Variants in SLC22A24 observed in about 807,000 individuals in gnomAD.
The protein encoded by SLC22A24 is solute carrier family 22 member 24.
A neutral mutation model predicts 49.8 loss-of-function variants in SLC22A24; 53 were observed. That is an observed-to-expected ratio of 1.06 (90% CI 0.85 to 1.34). SLC22A24 has a LOEUF of 1.34. Among genes scored for constraint, SLC22A24 ranks in the 40% most tolerant of loss-of-function variants. The pLI, the probability that SLC22A24 is intolerant of heterozygous loss-of-function variation, is 0.00. For missense variants in SLC22A24, 786 were observed against 675.9 expected (o/e 1.16, Z -1.81); for synonymous variants, 302 against 256.4 (o/e 1.18, Z -1.70).
chr11:63,099,344 T>TACCACCAC (rs1054349735), intron 5 of SLC22A24, among the ~76,000 whole-genome samples: 2 of 144,638 alleles, frequency 1.4e-5, no homozygotes, highest in African/African-American at 5.1e-5. Flanking sequence ...CCACAGTCTG[T>TACCACCAC]ACCACCACAC....
At chr11:63,137,366 G>A (rs913431032) in intron 1 of SLC22A24, among the ~76,000 whole-genome samples, 2 of 152,110 alleles carry the variant, frequency 1.3e-5, no homozygotes, top group Non-Finnish European at 2.9e-5. Flanking sequence ...TCTCACAAGG[G>A]GTTGTTGGTG....
At chr11:63,135,385 C>T (rs2087366268) in intron 1 of SLC22A24, among the ~76,000 whole-genome samples, 1 of 152,200 alleles carries the variant, frequency 6.6e-6, no homozygotes, top group Admixed American at 6.5e-5. Flanking sequence ...TTGAGAATCA[C>T]TCAAAACTGG....
intron 7 of SLC22A24, among the ~76,000 whole-genome samples, chr11:63,082,359 A>T (rs2086965149): frequency 6.6e-6 from 1 of 152,220 alleles, no homozygotes. Flanking sequence ...CTTTTTCATC[A>T]ATAAAAATAT....
At chr11:63,122,092 A>T (rs558528448) in intron 2 of SLC22A24, among the ~76,000 whole-genome samples, 10 of 152,328 alleles carry the variant, frequency 6.6e-5, no homozygotes, top group African/African-American at 2.4e-4. Context: ...TTCATTCATT[A>T]AAAGTACAGA....
At chr11:63,120,193 G>T (rs2087241434) in intron 2 of SLC22A24, among the ~76,000 whole-genome samples, 2 of 150,846 alleles carry the variant, frequency 1.3e-5, no homozygotes, top group East Asian at 2.0e-4. Context: ...TGAAGTCCTT[G>T]CCCATGCCTA....
intron 4 of SLC22A24, chr11:63,118,592 C>T (rs1276275464): frequency 9.5e-6 from 5 of 527,758 alleles, no homozygotes; most frequent in South Asian, 3.0e-5. Context: ...GACAAAAGCC[C>T]CCAAATTATC....
intron 2 of SLC22A24, among the ~76,000 whole-genome samples, chr11:63,127,011 G>C (rs1396490534): frequency 1.3e-5 from 2 of 151,966 alleles, no homozygotes; most frequent in African/African-American, 4.8e-5. Context: ...TAAGTTCTAG[G>C]GTACATGTGC....
chr11:63,088,371 A>ACGACAT (rs1555045482), intron 6 of SLC22A24, among the ~76,000 whole-genome samples: 2 of 151,016 alleles, frequency 1.3e-5, no homozygotes, highest in African/African-American at 2.4e-5. Flanking sequence ...ACAGAAAGCT[A>ACGACAT]CAACATCAAC....
intron 4 of SLC22A24, among the ~76,000 whole-genome samples, chr11:63,112,528 G>T (rs2087173644): frequency 6.6e-6 from 1 of 151,990 alleles, no homozygotes; most frequent in East Asian, 1.9e-4. Flanking sequence ...AGTCTTGCTA[G>T]CAGTCTATGA....
At chr11:63,139,600 G>C (rs939281930) in intron 1 of SLC22A24, among the ~76,000 whole-genome samples, 1 of 152,174 alleles carries the variant, frequency 6.6e-6, no homozygotes, top group African/African-American at 2.4e-5. Flanking sequence ...TCTCATGGGG[G>C]ATGGTCTAAT....
chr11:63,087,976 G>A (rs925693994), intron 6 of SLC22A24, among the ~76,000 whole-genome samples: 11 of 152,120 alleles, frequency 7.2e-5, no homozygotes, highest in Non-Finnish European at 1.5e-4. Flanking sequence ...GTGGCTGTGG[G>A]CGCAGCTTCA....
intron 6 of SLC22A24, among the ~76,000 whole-genome samples, chr11:63,089,099 A>G (rs2087003811): frequency 6.6e-6 from 1 of 152,158 alleles, no homozygotes; most frequent in South Asian, 2.1e-4. Context: ...CCTCAAGAAG[A>G]GCAAACCCCA....
Position 63,083,252 on chromosome 11 carries a change from A to C in SLC22A24, c.1276T>G (p.Leu426Val), listed in dbSNP as rs2086969701. The C allele has an allele frequency of 6.4e-7, 1 of 1,554,564 alleles. No individual in the cohort carries two copies. The highest frequency in any genetic ancestry group is 8.7e-7 in the Non-Finnish European group (1 of 1,148,290). ...VGLFILVNTFLPQEMQILRVV... is the reference protein window; with the variant it reads ...VGLFILVNTFVPQEMQILRVV... ...CTCCTGTCTCTCTCACCTTGGGGCAAAAAGGTGTTGACCAGAATGAAAAGT... is the reference window on the plus strand; with the variant it reads ...CTCCTGTCTCTCTCACCTTGGGGCACAAAGGTGTTGACCAGAATGAAAAGT... Residue 426 changes from leucine (L) to valine (V), a missense_variant, in exon 7 of 10, where the codon TTG (leucine) becomes GTG (valine). Physicochemically the swap from Leu to Val is conservative, Grantham distance 32. Coordinates refer to ENST00000612278, the MANE Select transcript of SLC22A24 (RefSeq NM_001136506.2).
At chr11:63,132,154 A>G (rs138792122) in intron 2 of SLC22A24, among the ~76,000 whole-genome samples, 2,345 of 152,054 alleles carry the variant, frequency 0.015, 27 homozygotes, top group Middle Eastern at 0.054. Flanking sequence ...TCTTTTCTAC[A>G]CTGTTTATTT....
At chr11:63,134,263 G>T (rs2087357431) in intron 2 of SLC22A24, among the ~76,000 whole-genome samples, 1 of 152,220 alleles carries the variant, frequency 6.6e-6, no homozygotes, top group African/African-American at 2.4e-5. Context: ...TTAGAACATT[G>T]TCAAGGCCAA....
intron 4 of SLC22A24, among the ~76,000 whole-genome samples, chr11:63,114,763 A>G (rs1590741112): frequency 6.6e-6 from 1 of 152,028 alleles, no homozygotes; most frequent in Non-Finnish European, 1.5e-5. Context: ...CTTTTTGTTG[A>G]TGGTGATGCT....
At chr11:63,136,332 T>C (rs1382163381) in intron 1 of SLC22A24, among the ~76,000 whole-genome samples, 1 of 152,222 alleles carries the variant, frequency 6.6e-6, no homozygotes, top group Non-Finnish European at 1.5e-5. Context: ...CCATTACATC[T>C]GAGAAGTATG....
intron 5 of SLC22A24, among the ~76,000 whole-genome samples, chr11:63,099,616 A>C (rs1401249026): frequency 6.6e-6 from 1 of 151,950 alleles, no homozygotes; most frequent in Non-Finnish European, 1.5e-5. Context: ...AGACAGAGAC[A>C]GATAAAAAAG....
intron 4 of SLC22A24, among the ~76,000 whole-genome samples, chr11:63,117,569 A>C (rs1229405464): frequency 1.3e-5 from 2 of 151,832 alleles, no homozygotes; most frequent in African/African-American, 4.8e-5. Flanking sequence ...GGCAAGACCA[A>C]CTCCTCCTCT....
Sources: gnomAD v4.1 joint callset for allele counts (sites outside exome capture counted in the v4.1 genomes callset) on GRCh38, gnomAD v4.1.1 for gene constraint, MANE v1.5 for transcripts, NCBI Gene and HGNC (gene_info 2026-07-23, HGNC 2026-07-21) for gene names.